The following CCDC171 variants were observed in gnomAD, a reference collection of about 807,000 sequenced individuals.
The protein encoded by CCDC171 is coiled-coil domain containing 171, also known as coiled-coil domain-containing protein 171.
CCDC171 carries 177 observed loss-of-function variants against 168.2 expected under a neutral mutation model. The observed-to-expected ratio is 1.05, with a 90% confidence interval of 0.93 to 1.19. The LOEUF (loss-of-function observed/expected upper bound fraction) is 1.19. Ranked by LOEUF, CCDC171 falls within the 50% of genes most tolerant of loss-of-function variation. The pLI is 0.00. For synonymous variants in CCDC171, 687 were observed against 540.8 expected, an observed-to-expected ratio of 1.27 and a Z score of -3.75; for missense variants, 1,991 against 1,539.0, an observed-to-expected ratio of 1.29 and a Z score of -4.91.
intron 3 of CCDC171, among the ~76,000 whole-genome samples, chr9:16,007,864 G>A (rs1001692668): frequency 1.5e-4 from 23 of 152,134 alleles, no homozygotes; most frequent in South Asian, 4.1e-4. Flanking sequence ...GTCAGGTAGC[G>A]TGATGCCTCC....
downstream of CCDC171, among the ~76,000 whole-genome samples, chr9:15,975,055 C>T (rs1276493797): frequency 6.6e-6 from 1 of 152,134 alleles, no homozygotes; most frequent in Non-Finnish European, 1.5e-5. Flanking sequence ...AGATGCGTAC[C>T]ACTGTGCCCT....
At position 15,881,529 on chromosome 9, in the gene CCDC171, G is replaced by T. The variant is rs559382034; in HGVS notation, c.3600+6866G>T. 1.4e-4 allele frequency among the ~76,000 whole-genome samples: 22 copies of T among 152,170 alleles called. No individual in the cohort carries two copies. In the South Asian group the frequency reaches 2.9e-3, roughly 20 times the overall value. Reference sequence around the variant, plus strand: ...ATTTAAAAATACAAAATAGATTATTGTAAACTGTAGTTACCCTACTGATCT... The same window carrying T: ...ATTTAAAAATACAAAATAGATTATTTTAAACTGTAGTTACCCTACTGATCT... On this transcript the variant is annotated intron_variant, in intron 24 of 25. Coordinates refer to ENST00000380701, the MANE Select transcript of CCDC171 (RefSeq NM_173550.4).
chr9:16,059,566 C>T (rs991705807), intron 1 of CCDC171, among the ~76,000 whole-genome samples: 4 of 135,464 alleles, frequency 3.0e-5, no homozygotes, highest in African/African-American at 1.2e-4. Flanking sequence ...GGACTGCGGA[C>T]TGCAGTGGCG....
chr9:15,939,285 A>G (rs1827454660), intron 25 of CCDC171, among the ~76,000 whole-genome samples: 1 of 151,768 alleles, frequency 6.6e-6, no homozygotes, highest in African/African-American at 2.4e-5. Flanking sequence ...GTACTTATAT[A>G]TCCTGATTCA....
chr9:15,857,783 T>G (rs2130915967), intron 23 of CCDC171, among the ~76,000 whole-genome samples: 1 of 152,032 alleles, frequency 6.6e-6, no homozygotes, highest in African/African-American at 2.4e-5. Flanking sequence ...TGAAGGAAAC[T>G]ATCCTTTCCC....
At chr9:16,016,550 T>C (rs1833024445) in intron 3 of CCDC171, among the ~76,000 whole-genome samples, 1 of 152,114 alleles carries the variant, frequency 6.6e-6, no homozygotes, top group Admixed American at 6.5e-5. Flanking sequence ...CCGAAATGCT[T>C]TGGTACACGG....
chr9:15,855,046 G>T (rs1016844888), intron 23 of CCDC171, among the ~76,000 whole-genome samples: 1 of 151,576 alleles, frequency 6.6e-6, no homozygotes, highest in African/African-American at 2.4e-5. Context: ...AAAAGAATAT[G>T]TATTCTTTTG....
chr9:15,640,255 A>G (rs971427969), intron 7 of CCDC171, among the ~76,000 whole-genome samples: 5 of 152,156 alleles, frequency 3.3e-5, no homozygotes, highest in Admixed American at 3.3e-4. Flanking sequence ...TTCACTTCCA[A>G]GACCAGTTGG....
At chr9:15,659,242 C>G (rs1434453217) in intron 8 of CCDC171, among the ~76,000 whole-genome samples, 1 of 152,188 alleles carries the variant, frequency 6.6e-6, no homozygotes, top group Admixed American at 6.5e-5. Flanking sequence ...GGTAGCTTAT[C>G]TTGGATCAGC....
chr9:15,954,709 T>C (rs1395675568), intron 25 of CCDC171, among the ~76,000 whole-genome samples: 9 of 151,914 alleles, frequency 5.9e-5, no homozygotes, highest in African/African-American at 2.2e-4. Context: ...TGAATCACTG[T>C]AGTGAATTTT....
intron 1 of CCDC171, among the ~76,000 whole-genome samples, chr9:16,044,537 T>TG (rs1033284505): frequency 2.6e-5 from 4 of 151,552 alleles, no homozygotes; most frequent in African/African-American, 9.7e-5. Flanking sequence ...TAATAATTTT[T>TG]TTTTTTTTTT....
intron 21 of CCDC171, among the ~76,000 whole-genome samples, chr9:15,791,848 G>A (rs948619034): frequency 6.6e-6 from 1 of 152,038 alleles, no homozygotes; most frequent in East Asian, 1.9e-4. Context: ...AAAGACCAAA[G>A]GTAGATAAAA....
intron 24 of CCDC171, chr9:15,882,976 G>GCCAA (rs1238757765): frequency 1.4e-4 from 1 of 7,354 alleles, no homozygotes; most frequent in Admixed American, 2.0e-3. Flanking sequence ...GCCGATAAAA[G>GCCAA]CCAGCCTGCC....
At chr9:15,559,306 T>C (rs1042475306) in intron 1 of CCDC171, among the ~76,000 whole-genome samples, 2 of 152,142 alleles carry the variant, frequency 1.3e-5, no homozygotes, top group Non-Finnish European at 2.9e-5. Flanking sequence ...TTCTGTCTCA[T>C]TGATCTGTCT....
At chr9:15,693,273 C>G (rs892895729) in intron 10 of CCDC171, among the ~76,000 whole-genome samples, 7 of 152,066 alleles carry the variant, frequency 4.6e-5, no homozygotes, top group Non-Finnish European at 7.4e-5. Context: ...TACTGTCAAC[C>G]CACTTCCCTT....
chr9:15,696,640 G>A (rs150080886), intron 11 of CCDC171, among the ~76,000 whole-genome samples: 3 of 151,992 alleles, frequency 2.0e-5, no homozygotes, highest in Non-Finnish European at 2.9e-5. Flanking sequence ...AAATATTGTC[G>A]CAGTATAGCA....
chr9:15,813,912 C>T (rs1488679725), intron 21 of CCDC171, among the ~76,000 whole-genome samples: 1 of 152,064 alleles, frequency 6.6e-6, no homozygotes, highest in Non-Finnish European at 1.5e-5. Context: ...GTAATAGGAT[C>T]ACTTTGTATT....
intron 1 of CCDC171, among the ~76,000 whole-genome samples, chr9:15,556,388 C>A (rs1330696446): frequency 6.6e-6 from 1 of 152,166 alleles, no homozygotes; most frequent in Admixed American, 6.5e-5. Context: ...TCTCCACATC[C>A]TCTCTAGCAC....
chr9:15,655,431 C>CT (rs1587769618), intron 7 of CCDC171, among the ~76,000 whole-genome samples: 2 of 152,138 alleles, frequency 1.3e-5, no homozygotes, highest in African/African-American at 4.8e-5. Context: ...GACCGATTCC[C>CT]TTTTTGGGAC....
Sources: gnomAD v4.1 joint callset for allele counts (sites outside exome capture counted in the v4.1 genomes callset) on GRCh38, gnomAD v4.1.1 for gene constraint, MANE v1.5 for transcripts, NCBI Gene and HGNC (gene_info 2026-07-23, HGNC 2026-07-21) for gene names.